The following ILRUN variants were observed in gnomAD, a reference collection of about 807,000 sequenced individuals.
ILRUN encodes the protein inflammation and lipid regulator with UBA-like and NBR1-like domains.
A neutral mutation model predicts 33.8 loss-of-function variants in ILRUN; 3 were observed. The observed-to-expected ratio is 0.09, with a 90% CI of 0.04 to 0.23. ILRUN has a LOEUF of 0.23. Ranked by LOEUF, ILRUN falls within the 10% of genes least tolerant of loss-of-function variation. The pLI is 1.00. For synonymous variants in ILRUN, 124 were observed against 138.9 expected, an observed-to-expected ratio of 0.89 and a Z score of 0.75; for missense variants, 210 against 375.1, an observed-to-expected ratio of 0.56 and a Z score of 3.64.
chr6:34,682,929 A>G (rs1017683151), intron 1 of ILRUN, among the ~76,000 whole-genome samples: 6 of 147,162 alleles, frequency 4.1e-5, no homozygotes, highest in Non-Finnish European at 7.4e-5. Flanking sequence ...TAAAAAAAAA[A>G]TCCAGTCAGA....
intron 1 of ILRUN, among the ~76,000 whole-genome samples, chr6:34,660,818 C>G (rs1762872381): frequency 6.6e-6 from 1 of 152,118 alleles, no homozygotes; most frequent in Admixed American, 6.5e-5. Context: ...TGGAAAGAAA[C>G]TAAGACTTTC....
chr6:34,635,088 C>T (rs1582065103), intron 3 of ILRUN, among the ~76,000 whole-genome samples: 1 of 152,114 alleles, frequency 6.6e-6, no homozygotes, highest in Non-Finnish European at 1.5e-5. Context: ...ATAAAATTCA[C>T]TTTCACAATC....
rs1416044108 is a variant in ILRUN, at chr6:34,646,714, G to A, written c.398C>T (p.Ser133Leu). Reference sequence around the variant, plus strand: ...ATCTGCAATCTCTTGGGGCTCTAGCGATCTCACCATCACCATGTTCACATG... The same window carrying A: ...ATCTGCAATCTCTTGGGGCTCTAGCAATCTCACCATCACCATGTTCACATG... ...FGHVNMVMVR[S>L]LEPQEIADVS... The change falls in exon 3 of 5, where the codon TCG becomes TTG. Residue 133 changes from serine to leucine, a missense_variant. By Grantham distance (145) the Ser-to-Leu change is moderately radical. Coordinates refer to ENST00000374023, the MANE Select transcript of ILRUN (RefSeq NM_024294.4). The surrounding 1 kb of genome is among the most constrained non-coding windows in gnomAD (Gnocchi z 4.9). 1 of 1,614,054 alleles carries A rather than the reference G, an allele frequency of 6.2e-7. No homozygotes were observed. The highest frequency in any genetic ancestry group is 8.5e-7 in the Non-Finnish European group (1 of 1,180,034).
intron 3 of ILRUN, among the ~76,000 whole-genome samples, chr6:34,628,522 C>T (rs1420254875): frequency 2.0e-5 from 3 of 151,740 alleles, no homozygotes; most frequent in Non-Finnish European, 2.9e-5. Context: ...TTAGTAGACA[C>T]GGGGTTTCAC....
intron 4 of ILRUN, among the ~76,000 whole-genome samples, chr6:34,591,411 C>T (rs1394545804): frequency 6.6e-6 from 1 of 152,162 alleles, no homozygotes. Flanking sequence ...GGGACGATCA[C>T]TTGAACCTGG....
At chr6:34,658,890 T>C (rs1762832394) in intron 1 of ILRUN, among the ~76,000 whole-genome samples, 1 of 152,224 alleles carries the variant, frequency 6.6e-6, no homozygotes, top group African/African-American at 2.4e-5. Context: ...CCTTTCCCCA[T>C]CAGTTTTACT....
At chr6:34,614,460 T>A (rs867839144) in intron 3 of ILRUN, among the ~76,000 whole-genome samples, 2 of 129,684 alleles carry the variant, frequency 1.5e-5, no homozygotes, top group African/African-American at 3.2e-5. Context: ...ATATATAAAA[T>A]GTATATTATA....
chr6:34,660,259 C>A (rs889998043), intron 1 of ILRUN, among the ~76,000 whole-genome samples: 1 of 151,608 alleles, frequency 6.6e-6, no homozygotes, highest in African/African-American at 2.4e-5. Context: ...GCTGAGACTG[C>A]GCCACTGCAC....
At chr6:34,614,993 A>G (rs1229344306) in intron 3 of ILRUN, among the ~76,000 whole-genome samples, 2 of 152,204 alleles carry the variant, frequency 1.3e-5, no homozygotes, top group East Asian at 3.8e-4. Flanking sequence ...CACTGACTAG[A>G]AGAGATTGGG....
intron 1 of ILRUN, among the ~76,000 whole-genome samples, chr6:34,692,668 C>T (rs1763671820): frequency 6.6e-6 from 1 of 152,036 alleles, no homozygotes; most frequent in African/African-American, 2.4e-5. Flanking sequence ...GACACAGTGG[C>T]TCATGTCTAT....
intron 1 of ILRUN, 79 bp from the exon 2 acceptor site, chr6:34,654,858 T>C: frequency 7.1e-7 from 1 of 1,400,886 alleles, no homozygotes; most frequent in Non-Finnish European, 9.6e-7. Flanking sequence ...GGAAAAAGCC[T>C]GTTTCTTAGG....
chr6:34,675,016 C>A (rs1274359392), intron 1 of ILRUN, among the ~76,000 whole-genome samples: 2 of 152,180 alleles, frequency 1.3e-5, no homozygotes. Context: ...CGCAGTGGCT[C>A]ACGCAAGTAA....
chr6:34,622,511 C>G (rs1762031426), intron 3 of ILRUN, among the ~76,000 whole-genome samples: 1 of 151,636 alleles, frequency 6.6e-6, no homozygotes. Flanking sequence ...CAATGAGATA[C>G]CACCTCACAC....
intron 1 of ILRUN, among the ~76,000 whole-genome samples, chr6:34,683,510 A>ACATATG (rs1562033346): frequency 2.2e-5 from 2 of 92,668 alleles, no homozygotes; most frequent in Admixed American, 2.1e-4. Flanking sequence ...ATATATATAT[A>ACATATG]TATACATATA....
chr6:34,691,775 G>A (rs750681008), intron 1 of ILRUN, among the ~76,000 whole-genome samples: 5 of 151,102 alleles, frequency 3.3e-5, no homozygotes, highest in South Asian at 2.1e-4. Context: ...CGGCCTGGGC[G>A]ACAGAGCAAA....
chr6:34,608,382 C>A (rs950606422), intron 3 of ILRUN, among the ~76,000 whole-genome samples: 2 of 148,910 alleles, frequency 1.3e-5, no homozygotes, highest in Admixed American at 1.3e-4. Context: ...GACTCCATCT[C>A]AAAAAAAAAT....
At chr6:34,665,579 A>G (rs796937776) in intron 1 of ILRUN, among the ~76,000 whole-genome samples, 85 of 152,150 alleles carry the variant, frequency 5.6e-4, no homozygotes, top group African/African-American at 2.0e-3. Flanking sequence ...GTGAGCCACC[A>G]TGACCAGCTG....
rs1255365102 is a variant in ILRUN, at chr6:34,590,532, C to A, written c.*33G>T. ...AACCCCCCAAAGTCAGGCCTTCTGT[C>A]TTTTGTTAATTTTTCTTCTTGCTGA... is the stretch of plus-strand genomic sequence containing the variant. On this transcript the variant is annotated 3_prime_UTR_variant, in exon 5 of 5. Coordinates refer to ENST00000374023, the MANE Select transcript of ILRUN (RefSeq NM_024294.4). 1 of 1,613,810 alleles carries A rather than the reference C, an allele frequency of 6.2e-7. No individual in the cohort carries two copies. Among genetic ancestry groups the A allele is most frequent in the Non-Finnish European group, 8.5e-7 (1 of 1,179,794 alleles).
chr6:34,651,321 G>A (rs1488599839), intron 2 of ILRUN, among the ~76,000 whole-genome samples: 1 of 152,074 alleles, frequency 6.6e-6, no homozygotes, highest in Admixed American at 6.6e-5. Flanking sequence ...AGATTCAGAA[G>A]CTGTTTTAAA....
Sources: allele counts gnomAD v4.1 joint callset (sites outside exome capture counted in the v4.1 genomes callset), GRCh38; gene constraint gnomAD v4.1.1; non-coding constraint Gnocchi (gnomAD v3.1); transcripts MANE v1.5; gene names NCBI Gene and HGNC (gene_info 2026-07-23, HGNC 2026-07-21).